The following HSPG2 variants were observed in gnomAD, a reference collection of about 807,000 sequenced individuals.
The protein encoded by HSPG2 is heparan sulfate proteoglycan 2, also known as basement membrane-specific heparan sulfate proteoglycan core protein.
HSPG2 carries 278 observed loss-of-function variants against 526.6 expected under a neutral mutation model. The observed-to-expected ratio is 0.53, with a 90% CI of 0.48 to 0.58. The LOEUF (loss-of-function observed/expected upper bound fraction) is 0.58, where lower values mean the gene tolerates loss of function less well. HSPG2 is among the 20% of genes least tolerant of loss of function. HSPG2 has a pLI of 0.00. For missense variants in HSPG2, 5,354 were observed against 6,099.5 expected, an observed-to-expected ratio of 0.88 and a Z score of 4.07; for synonymous variants, 2,465 against 2,555.4, an observed-to-expected ratio of 0.96 and a Z score of 1.07.
At position 21,880,751 on chromosome 1, in the gene HSPG2, C is replaced by A. The variant is rs558525559; in HGVS notation, c.1903G>T (p.Val635Leu). Residue 635 changes from valine to leucine, a missense_variant, in exon 15 of 97, where the codon GTG becomes TTG. Physicochemically the swap from Val to Leu is conservative, Grantham distance 32. Coordinates refer to ENST00000374695, the MANE Select transcript of HSPG2 (RefSeq NM_005529.7). Reference sequence around the variant, plus strand: ...CGGTACCCGGCACCCATGAGGACCACGTCCGGCCGCTGCACTGGCTCCAGC... The same window carrying A: ...CGGTACCCGGCACCCATGAGGACCAAGTCCGGCCGCTGCACTGGCTCCAGC... ...GMLEPVQRPD[V>L]VLMGAGYRLL... is the part of the protein sequence containing the mutation. The A allele has an allele frequency of 2.5e-6, 4 of 1,600,020 alleles. No homozygotes were observed. Among genetic ancestry groups the A allele is most frequent in the Admixed American group, 1.7e-5 (1 of 58,006 alleles).
intron 28 of HSPG2, 106 bp downstream of exon 28, chr1:21,874,300 C>A (rs933144512): frequency 6.9e-7 from 1 of 1,459,428 alleles, no homozygotes; most frequent in Non-Finnish European, 9.4e-7. Context: ...GGCAGTAAGG[C>A]CAGGATTTAA....
Position 21,831,389 on chromosome 1 carries a change from T to C in HSPG2, c.11453-65A>G, listed in dbSNP as rs1416155587. ...TCCCAGCCCATACCCTGAGGTGCCC[T>C]CCCAGGCTCTCCAGGGCTCTTCCAG... On this transcript the variant is annotated intron_variant, in intron 83 of 96. Coordinates refer to ENST00000374695, the MANE Select transcript of HSPG2 (RefSeq NM_005529.7). The C allele has an allele frequency of 5.6e-6, 9 of 1,600,072 alleles. No homozygotes were observed. In the South Asian group the frequency reaches 7.7e-5, roughly 14 times the overall value.
In HSPG2 at chr1:21,851,880, G is replaced by A. The variant is rs758311848; in HGVS notation, c.6917C>T (p.Ala2306Val). 9.2e-5 allele frequency: 149 copies of A among 1,611,996 alleles called. No individual in the cohort carries two copies. The highest frequency in any genetic ancestry group is 3.7e-4 in the African/African-American group (28 of 74,908). Residue 2306 changes from alanine to valine, a missense_variant, in exon 54 of 97, where the codon GCG (alanine) becomes GTG (valine). Coordinates refer to ENST00000374695, the MANE Select transcript of HSPG2 (RefSeq NM_005529.7). Reference sequence around the variant, plus strand: ...GCTGGCCCGGCAGACGTACTGTCCCGCATCGGCAGGTGAGGCCTGGAAGAT... The same window carrying A: ...GCTGGCCCGGCAGACGTACTGTCCCACATCGGCAGGTGAGGCCTGGAAGAT... ...LYIFQASPAD[A>V]GQYVCRASNG...
rs1279063145 is a variant in HSPG2 at position 21,895,131 on chromosome 1, G to A, written c.244+791C>T. ...GGGTGAAGGCAGCCCTGGATGCCAC[G>A]GGATGGCCCAGTAGTTGGTCTGACC... On this transcript the variant is annotated intron_variant, in intron 3 of 96. Coordinates refer to ENST00000374695, the MANE Select transcript of HSPG2 (RefSeq NM_005529.7). This position sits in a 1 kb window ranked among gnomAD's most constrained non-coding sequence, Gnocchi z 4.1. Among the ~76,000 whole-genome samples the A allele has an allele frequency of 2.8e-5, 1 of 35,848 alleles. No individual in the cohort carries two copies. The highest frequency in any genetic ancestry group is 1.3e-4 in the Non-Finnish European group (1 of 7,706). 23.5% of individuals were successfully genotyped at this position (35,848 alleles called of 152,430 possible). A position where few individuals can be genotyped will look rare whatever the true frequency, so the allele number is the denominator to read the frequency against.
intron 1 of HSPG2, among the ~76,000 whole-genome samples, chr1:21,912,979 CAAA>C (rs34148570): frequency 2.0e-5 from 2 of 97,600 alleles, no homozygotes; most frequent in Non-Finnish European, 2.2e-5. Context: ...GGCTCTAGCT[CAAA>C]AAAAAAAAAA....
Position 21,876,042 on chromosome 1 carries a change from C to G in HSPG2, c.3004G>C (p.Val1002Leu), listed in dbSNP as rs764271677. The change falls in exon 24 of 97, where the codon GTG becomes CTG. Residue 1002 changes from valine to leucine, a missense_variant and splice_region_variant. Physicochemically the swap from Val to Leu is conservative, Grantham distance 32. Transcript: ENST00000374695. ...SLPSRFLGDK[V>L]TSYGGELRFT... ...CGCAGCTCTCCTCCATAGGAGGTCA[C>G]CTGGGACCAGGGTTAGACAGGAGCT... 5 of 1,613,896 alleles carry G rather than the reference C, an allele frequency of 3.1e-6. No homozygotes were observed. Among genetic ancestry groups the G allele is most frequent in the Non-Finnish European group, 4.2e-6 (5 of 1,179,918 alleles).
At position 21,823,199 on chromosome 1, in the gene HSPG2, G is replaced by T; in HGVS notation, c.*117C>A. The stretch of plus-strand genomic sequence containing the variant: ...TCCAGTCCAGCCCAGGGCGGTAGCA[G>T]CAAAGCGTGGCATCGCCTCGGTTTC... On this transcript the variant is annotated 3_prime_UTR_variant, in exon 97 of 97. Coordinates refer to ENST00000374695, the MANE Select transcript of HSPG2 (RefSeq NM_005529.7). The T allele has an allele frequency of 1.9e-6, 2 of 1,026,452 alleles. No individual in the cohort carries two copies. Among genetic ancestry groups the T allele is most frequent in the Non-Finnish European group, 2.7e-6 (2 of 747,810 alleles). 63.6% of individuals were successfully genotyped at this position (1,026,452 alleles called of 1,614,324 possible). A position where few individuals can be genotyped will look rare whatever the true frequency, so the allele number is the denominator to read the frequency against.
chr1:21,936,324 A>C (rs1253845479), intron 1 of HSPG2, among the ~76,000 whole-genome samples: 2 of 152,128 alleles, frequency 1.3e-5, no homozygotes, highest in Non-Finnish European at 2.9e-5. Flanking sequence ...CTAAGCTCAG[A>C]GTAGGGGACT....
At position 21,884,639 on chromosome 1, in the gene HSPG2, T is replaced by A; in HGVS notation, c.1543A>T (p.Ser515Cys). The A allele has an allele frequency of 6.2e-7, 1 of 1,611,722 alleles. No homozygotes were observed. The highest frequency in any genetic ancestry group is 8.5e-7 in the Non-Finnish European group (1 of 1,179,742). The change falls in exon 13 of 97, where the codon AGC (serine) becomes TGC (cysteine). Residue 515 changes from serine (S) to cysteine (C), a missense_variant. Transcript: ENST00000374695. ...CAGAAGCAGGGCAGGCAGGCGGCGCTGTGCTCCAGGTAGAAGTGGCCGTCA... is the reference window on the plus strand; with the variant it reads ...CAGAAGCAGGGCAGGCAGGCGGCGCAGTGCTCCAGGTAGAAGTGGCCGTCA... ...CPDGHFYLEH[S>C]AACLPCFCFG... is the part of the protein sequence containing the mutation.
At position 21,875,634 on chromosome 1, in the gene HSPG2, C is replaced by T. The variant is rs776834066; in HGVS notation, c.3297G>A (p.Glu1099=). The T allele has an allele frequency of 7.5e-6, 12 of 1,601,038 alleles. No homozygotes were observed. The highest frequency in any genetic ancestry group is 1.6e-4 in the Middle Eastern group (1 of 6,080). The change falls in exon 25 of 97, where the codon GAG becomes GAA. Residue 1099 remains glutamate (E), a synonymous_variant. Coordinates refer to ENST00000374695, the MANE Select transcript of HSPG2 (RefSeq NM_005529.7). ...CCTGCCCCGGCTCCAGACACCTGCTCTCAGCGGGCTGCTGGGCGTAGGATG... is the reference window on the plus strand; with the variant it reads ...CCTGCCCCGGCTCCAGACACCTGCTTTCAGCGGGCTGCTGGGCGTAGGATG... ...IRASYAQQPA[E]SRVSGISMDV...
chr1:21,837,263 G>A (rs917272634), intron 74 of HSPG2, among the ~76,000 whole-genome samples: 7 of 152,186 alleles, frequency 4.6e-5, no homozygotes, highest in African/African-American at 1.7e-4. Flanking sequence ...GGGAGGGCAG[G>A]CCACGAAAAG....
intron 9 of HSPG2, 51 bp from the exon 10 acceptor site, chr1:21,885,502 T>A (rs540386447): frequency 6.2e-7 from 1 of 1,608,542 alleles, no homozygotes; most frequent in East Asian, 2.2e-5. Flanking sequence ...CCATCCTCCC[T>A]GGGCATCCCC....
At position 21,823,271 on chromosome 1, in the gene HSPG2, C is replaced by T. The variant is rs541474662; in HGVS notation, c.*45G>A. On this transcript the variant is annotated 3_prime_UTR_variant, in exon 97 of 97. Coordinates refer to ENST00000374695, the MANE Select transcript of HSPG2 (RefSeq NM_005529.7). Reference sequence around the variant, plus strand: ...TTAATAATAATATACTCGACATTGTCGGGCTGGGGCGTGGCCCGGGAGTCC... The same window carrying T: ...TTAATAATAATATACTCGACATTGTTGGGCTGGGGCGTGGCCCGGGAGTCC... 115 of 1,433,610 alleles carry T rather than the reference C, an allele frequency of 8.0e-5. No individual in the cohort carries two copies. The highest frequency in any genetic ancestry group is 7.5e-4 in the East Asian group (30 of 39,960). The allele number at this position is 1,433,610 out of a possible 1,614,324, so 88.8% of individuals were successfully genotyped here.
Position 21,823,478 on chromosome 1 carries a change from A to C in HSPG2, c.13014T>G (p.Pro4338=), listed in dbSNP as rs372290348. 1 of 1,600,442 alleles carries C rather than the reference A, an allele frequency of 6.2e-7. No individual in the cohort carries two copies. Among genetic ancestry groups the C allele is most frequent in the Non-Finnish European group, 8.5e-7 (1 of 1,177,500 alleles). The change falls in exon 97 of 97, where the codon CCT becomes CCG. Residue 4338 remains proline (P), a synonymous_variant. Coordinates refer to ENST00000374695, the MANE Select transcript of HSPG2 (RefSeq NM_005529.7). ...AKGSVYIGGA[P]DVATLTGGRF... ...TGCCCCCGGTCAGCGTGGCCACGTC[A>C]GGGGCTCCGCCTGCCGGGAGGTGAG...
chr1:21,852,093 G>A lies in HSPG2; in HGVS notation c.6865C>T (p.His2289Tyr). The change falls in exon 53 of 97, where the codon CAC (histidine) becomes TAC (tyrosine). Residue 2289 changes from histidine (H) to tyrosine (Y), a missense_variant. Transcript: ENST00000374695. ...YKRGGSLPAR[H>Y]QVRGSRLYIF... ...ACATTCTTGGTGCCCTGTACCTGGT[G>A]CCGGGCAGGGAGGCTGCCCCCACGC... The A allele has an allele frequency of 6.2e-7, 1 of 1,613,418 alleles. No individual in the cohort carries two copies. The highest frequency in any genetic ancestry group is 8.5e-7 in the Non-Finnish European group (1 of 1,180,012).
intron 1 of HSPG2, among the ~76,000 whole-genome samples, chr1:21,906,154 C>CA (rs1403032640): frequency 2.6e-5 from 4 of 152,214 alleles, no homozygotes; most frequent in African/African-American, 9.6e-5. Context: ...GAAGGAACTC[C>CA]ATACCACCTG....
intron 3 of HSPG2, among the ~76,000 whole-genome samples, chr1:21,894,369 A>G (rs1642594234): frequency 6.6e-6 from 1 of 152,010 alleles, no homozygotes; most frequent in African/African-American, 2.4e-5. Context: ...CCCTTGGTCA[A>G]GTCTGAGTGG....
intron 65 of HSPG2, among the ~76,000 whole-genome samples, 174 bp from the exon 66 acceptor site, chr1:21,843,612 G>T (rs1011458137): frequency 2.6e-5 from 4 of 152,086 alleles, no homozygotes; most frequent in Non-Finnish European, 4.4e-5. Context: ...TGGTTTCTCC[G>T]GCAGGAGGAA....
chr1:21,908,584 G>A (rs1282186973), intron 1 of HSPG2: 7 of 643,180 alleles, frequency 1.1e-5, no homozygotes, highest in Non-Finnish European at 1.9e-5. Context: ...GGCATAATAG[G>A]TATTTAAAAA....
Sources: gnomAD v4.1 joint callset for allele counts (sites outside exome capture counted in the v4.1 genomes callset) on GRCh38, gnomAD v4.1.1 for gene constraint, Gnocchi (gnomAD v3.1) non-coding constraint, MANE v1.5 for transcripts, NCBI Gene and HGNC (gene_info 2026-07-23, HGNC 2026-07-21) for gene names.